The following EEA1 variants were observed in gnomAD, a reference collection of about 807,000 sequenced individuals.
The protein encoded by EEA1 is early endosome antigen 1, 162kD.
EEA1 carries 111 observed loss-of-function variants against 209.2 expected under a neutral mutation model. The ratio of observed to expected loss-of-function variants is 0.53; its 90% confidence interval spans 0.45 to 0.62. The LOEUF (loss-of-function observed/expected upper bound fraction) is 0.62, where lower values mean the gene tolerates loss of function less well. EEA1 is among the 20% of genes least tolerant of loss of function. The pLI is 0.00. For synonymous variants in EEA1, 536 were observed against 540.6 expected (o/e 0.99, Z 0.12); for missense variants, 1,343 against 1,530.8 (o/e 0.88, Z 2.05).
At chr12:92,793,534 G>T (rs1328924425) in intron 21 of EEA1, among the ~76,000 whole-genome samples, 2 of 152,252 alleles carry the variant, frequency 1.3e-5, no homozygotes, top group African/African-American at 4.8e-5. Context: ...ATTCACAATT[G>T]CTACAAAGAG....
At chr12:92,916,944 A>G (rs912545569) in intron 1 of EEA1, among the ~76,000 whole-genome samples, 1 of 151,404 alleles carries the variant, frequency 6.6e-6, no homozygotes, top group African/African-American at 2.5e-5. Flanking sequence ...CTACGTGAAG[A>G]ACGCAGAAGC....
intron 1 of EEA1, among the ~76,000 whole-genome samples, chr12:92,898,058 A>ATATGCCTATATACAAG (rs573537668): frequency 4.6e-5 from 7 of 152,272 alleles, no homozygotes; most frequent in African/African-American, 1.7e-4. Context: ...TATCTCCAAG[A>ATATGCCTATATACAAG]TATGCCTATA....
intron 1 of EEA1, among the ~76,000 whole-genome samples, chr12:92,893,204 T>C (rs1879733090): frequency 6.6e-6 from 1 of 152,188 alleles, no homozygotes; most frequent in South Asian, 2.1e-4. Context: ...TGAAACCTAG[T>C]AAAACACTGG....
At chr12:92,879,641 T>A (rs1296695787) in intron 2 of EEA1, among the ~76,000 whole-genome samples, 6 of 152,142 alleles carry the variant, frequency 3.9e-5, no homozygotes, top group Non-Finnish European at 8.8e-5. Context: ...AACCCATGGC[T>A]ACCATCATTC....
intron 1 of EEA1, among the ~76,000 whole-genome samples, chr12:92,924,388 T>C (rs1034330583): frequency 1.3e-5 from 2 of 151,954 alleles, no homozygotes; most frequent in Non-Finnish European, 2.9e-5. Flanking sequence ...TTTCTATTTT[T>C]AGTAGAGACG....
chr12:92,853,994 G>A (rs1877751678), intron 5 of EEA1, 40 bp from the exon 6 acceptor site: 2 of 1,392,300 alleles, frequency 1.4e-6, no homozygotes, highest in African/African-American at 1.7e-5. Flanking sequence ...GAATTAAAAG[G>A]AAAAGATAAT....
chr12:92,816,525 T>A, intron 14 of EEA1, 125 bp from the exon 15 acceptor site: 1 of 817,498 alleles, frequency 1.2e-6, no homozygotes, highest in Non-Finnish European at 1.9e-6. Context: ...ATTTTTCAAG[T>A]AAAATTATTC....
chr12:92,925,821 G>T (rs1368826624), intron 1 of EEA1, among the ~76,000 whole-genome samples: 1 of 152,130 alleles, frequency 6.6e-6, no homozygotes. Context: ...TTTCCGTAAA[G>T]TATCCTGAGA....
At chr12:92,850,802 C>T (rs941408349) in intron 9 of EEA1, among the ~76,000 whole-genome samples, 2 of 147,880 alleles carry the variant, frequency 1.4e-5, no homozygotes, top group Non-Finnish European at 3.0e-5. Context: ...TGCTATCATT[C>T]TTCCTTTAAA....
chr12:92,777,242 T>C (rs1873695622), intron 27 of EEA1, among the ~76,000 whole-genome samples: 1 of 151,938 alleles, frequency 6.6e-6, no homozygotes, highest in Non-Finnish European at 1.5e-5. Context: ...GAGAATATAC[T>C]CAGATCGCTT....
At chr12:92,857,693 A>G (rs918852271) in intron 3 of EEA1, among the ~76,000 whole-genome samples, 2 of 152,226 alleles carry the variant, frequency 1.3e-5, no homozygotes, top group African/African-American at 4.8e-5. Context: ...ATAAATGGAA[A>G]AAACATTTTC....
In EEA1 at chr12:92,857,204, T is replaced by C. The variant is rs959578948; in HGVS notation, c.366+71A>G. On this transcript the variant is annotated intron_variant, in intron 5 of 28. Coordinates refer to ENST00000322349, the MANE Select transcript of EEA1 (RefSeq NM_003566.4). Reference sequence around the variant, plus strand: ...AGGCCGCCACCTGCTTGCAAAAAGGTATTAAGTTTAGTTTTCAACAATAAA... The same window carrying C: ...AGGCCGCCACCTGCTTGCAAAAAGGCATTAAGTTTAGTTTTCAACAATAAA... 36 of 1,236,084 alleles carry C rather than the reference T, an allele frequency of 2.9e-5. No homozygotes were observed. In the African/African-American group the frequency reaches 5.6e-4, roughly 19 times the overall value. 76.6% of individuals were successfully genotyped at this position (1,236,084 alleles called of 1,614,324 possible). A position where few individuals can be genotyped will look rare whatever the true frequency, so the allele number is the denominator to read the frequency against.
chr12:92,892,220 A>G (rs1389536115), intron 1 of EEA1, among the ~76,000 whole-genome samples: 1 of 152,126 alleles, frequency 6.6e-6, no homozygotes, highest in Non-Finnish European at 1.5e-5. Context: ...CTACCCAAGT[A>G]GCTGGGACCA....
At chr12:92,833,434 T>C (rs1876755341) in intron 10 of EEA1, among the ~76,000 whole-genome samples, 1 of 152,200 alleles carries the variant, frequency 6.6e-6, no homozygotes, top group Admixed American at 6.5e-5. Flanking sequence ...AATTTTGTCA[T>C]TTTTCAATGC....
In EEA1 at chr12:92,852,313, A is replaced by G; in HGVS notation, c.521-17T>C. On this transcript the variant is annotated splice_polypyrimidine_tract_variant and intron_variant, in intron 7 of 28. Transcript: ENST00000322349. ...ACTTTATATCTAATTAAAGATAGTT[A>G]TATAAATATTAGTTTAAGGGGAGGA... 6.6e-7 allele frequency: 1 copy of G among 1,514,470 alleles called. No homozygotes were observed. The highest frequency in any genetic ancestry group is 8.8e-7 in the Non-Finnish European group (1 of 1,131,268). The allele number at this position is 1,514,470 out of a possible 1,614,324, so 93.8% of individuals were successfully genotyped here.
intron 9 of EEA1, among the ~76,000 whole-genome samples, chr12:92,849,129 C>T (rs574151969): frequency 6.6e-6 from 1 of 152,214 alleles, no homozygotes; most frequent in South Asian, 2.1e-4. Context: ...TGGAATAAGT[C>T]AGAGAGGACT....
intron 2 of EEA1, among the ~76,000 whole-genome samples, chr12:92,865,879 C>G (rs1020870802): frequency 1.3e-5 from 2 of 151,838 alleles, no homozygotes; most frequent in East Asian, 1.9e-4. Flanking sequence ...TCCCGAGGAG[C>G]TGGGATTACA....
At chr12:92,877,221 C>T (rs189715213) in intron 2 of EEA1, among the ~76,000 whole-genome samples, 87 of 151,216 alleles carry the variant, frequency 5.8e-4, no homozygotes, top group Non-Finnish European at 5.9e-4. Flanking sequence ...TCAACTGATC[C>T]GCCAGCCTGG....
chr12:92,894,152 G>A (rs1879770865), intron 1 of EEA1, among the ~76,000 whole-genome samples: 1 of 151,972 alleles, frequency 6.6e-6, no homozygotes, highest in African/African-American at 2.4e-5. Flanking sequence ...TTGTTTTGAG[G>A]CACTACAACC....
Sources: allele counts gnomAD v4.1 joint callset (sites outside exome capture counted in the v4.1 genomes callset), GRCh38; gene constraint gnomAD v4.1.1; transcripts MANE v1.5; gene names NCBI Gene and HGNC (gene_info 2026-07-23, HGNC 2026-07-21).